Variants in CHCHD3 observed in about 807,000 individuals in gnomAD.
CHCHD3 encodes MICOS complex subunit MIC19.
Under a neutral mutation model 38.2 loss-of-function variants are expected in CHCHD3, and 20 were observed. The observed-to-expected ratio is 0.52, with a 90% CI of 0.37 to 0.76. The LOEUF (loss-of-function observed/expected upper bound fraction) is 0.76, where lower values mean the gene tolerates loss of function less well. CHCHD3 is among the 30% of genes least tolerant of loss of function. The pLI is 0.00. For synonymous variants in CHCHD3, 82 were observed against 100.0 expected (o/e 0.82, Z 1.07); for missense variants, 245 against 279.2 (o/e 0.88, Z 0.87).
chr7:132,923,762 G>T (rs1370779120), intron 4 of CHCHD3, among the ~76,000 whole-genome samples: 1 of 152,148 alleles, frequency 6.6e-6, no homozygotes, highest in Non-Finnish European at 1.5e-5. Flanking sequence ...TTTCCCAGCA[G>T]CCAGAAATAT....
intron 5 of CHCHD3, among the ~76,000 whole-genome samples, chr7:132,858,468 G>T (rs541256909): frequency 6.6e-6 from 1 of 152,120 alleles, no homozygotes; most frequent in Admixed American, 6.5e-5. Context: ...GGAAAGTTCT[G>T]CACAGCCACT....
chr7:132,835,581 T>C (rs556288936), intron 6 of CHCHD3, among the ~76,000 whole-genome samples: 1 of 152,288 alleles, frequency 6.6e-6, no homozygotes, highest in South Asian at 2.1e-4. Context: ...CTGAATGACA[T>C]GGCAGCTGGG....
chr7:132,874,912 T>C (rs1808857514), intron 5 of CHCHD3, among the ~76,000 whole-genome samples: 1 of 152,148 alleles, frequency 6.6e-6, no homozygotes, highest in Admixed American at 6.5e-5. Flanking sequence ...CAGCCTCTTC[T>C]CATTGACCTA....
intron 4 of CHCHD3, among the ~76,000 whole-genome samples, chr7:132,960,907 G>A (rs970709273): frequency 6.6e-6 from 1 of 152,094 alleles, no homozygotes; most frequent in Non-Finnish European, 1.5e-5. Flanking sequence ...CACCAGAAGC[G>A]GAGGTAGCAG....
intron 3 of CHCHD3, among the ~76,000 whole-genome samples, chr7:132,979,244 T>C (rs1469957111): frequency 6.6e-6 from 1 of 152,188 alleles, no homozygotes; most frequent in Non-Finnish European, 1.5e-5. Context: ...TTATATTATC[T>C]CCCAGCTTGA....
At chr7:132,890,078 G>C (rs548392165) in intron 4 of CHCHD3, among the ~76,000 whole-genome samples, 38 of 152,264 alleles carry the variant, frequency 2.5e-4, no homozygotes, top group African/African-American at 8.4e-4. Flanking sequence ...TAACGTAACT[G>C]GGCTGGAAAA....
At chr7:132,836,589 G>C (rs1005421290) in intron 6 of CHCHD3, among the ~76,000 whole-genome samples, 1 of 152,036 alleles carries the variant, frequency 6.6e-6, no homozygotes, top group African/African-American at 2.4e-5. Flanking sequence ...TGCCACTTCA[G>C]CCTCTCCAAT....
At chr7:132,983,450 T>C (rs192403872) in intron 3 of CHCHD3, among the ~76,000 whole-genome samples, 2 of 152,352 alleles carry the variant, frequency 1.3e-5, no homozygotes, top group African/African-American at 4.8e-5. Flanking sequence ...TAAAATTAAC[T>C]ATAGTACATA....
rs112783147 is a variant in CHCHD3, at chr7:132,871,627, C to T, written c.453+14035G>A. Among the ~76,000 whole-genome samples the T allele has an allele frequency of 9.9e-3, 1,501 of 152,280 alleles. 31 individuals carry two copies. The highest frequency in any genetic ancestry group is 0.034 in the African/African-American group (1,411 of 41,560). ...ACTTCTATTTCCGCTGCCCACGTCA[C>T]ATCACAGATCGTCCATGAAGGCAAG... On this transcript the variant is annotated intron_variant, in intron 5 of 7. Coordinates refer to ENST00000262570, the MANE Select transcript of CHCHD3 (RefSeq NM_017812.4).
At chr7:132,904,919 G>T (rs1359903363) in intron 4 of CHCHD3, among the ~76,000 whole-genome samples, 4 of 152,112 alleles carry the variant, frequency 2.6e-5, no homozygotes, top group Non-Finnish European at 4.4e-5. Flanking sequence ...CCATAAGAAA[G>T]GACGAGTTCA....
At chr7:132,907,979 T>A (rs79563447) in intron 4 of CHCHD3, among the ~76,000 whole-genome samples, 1 of 151,900 alleles carries the variant, frequency 6.6e-6, no homozygotes, top group Non-Finnish European at 1.5e-5. Flanking sequence ...ACACAATACA[T>A]ACCATGACTA....
intron 4 of CHCHD3, among the ~76,000 whole-genome samples, chr7:132,912,624 G>A (rs186134960): frequency 2.0e-5 from 3 of 152,002 alleles, no homozygotes; most frequent in Non-Finnish European, 2.9e-5. Flanking sequence ...GCATGATCTC[G>A]GCCCACTGCA....
intron 6 of CHCHD3, among the ~76,000 whole-genome samples, chr7:132,819,296 T>A (rs999523795): frequency 6.6e-6 from 1 of 152,202 alleles, no homozygotes; most frequent in African/African-American, 2.4e-5. Context: ...CTATATTAGA[T>A]CCCTTTCAGA....
intron 2 of CHCHD3, among the ~76,000 whole-genome samples, chr7:133,062,809 C>T (rs184882465): frequency 2.6e-5 from 4 of 152,116 alleles, no homozygotes; most frequent in East Asian, 1.9e-4. Context: ...AGGGAGTGTC[C>T]GGCCCACTTG....
intron 6 of CHCHD3, among the ~76,000 whole-genome samples, chr7:132,822,426 T>G (rs1409339254): frequency 2.0e-5 from 3 of 152,100 alleles, no homozygotes; most frequent in Non-Finnish European, 4.4e-5. Flanking sequence ...TCCTTTTTTT[T>G]AATTTAAAAA....
intron 2 of CHCHD3, among the ~76,000 whole-genome samples, chr7:133,053,690 G>C (rs1403514230): frequency 2.6e-5 from 4 of 152,140 alleles, no homozygotes; most frequent in Non-Finnish European, 1.5e-5. Context: ...ATATGAAAAA[G>C]AAAAATGCAT....
At chr7:132,914,297 A>G (rs752040429) in intron 4 of CHCHD3, among the ~76,000 whole-genome samples, 3 of 152,142 alleles carry the variant, frequency 2.0e-5, no homozygotes, top group Non-Finnish European at 2.9e-5. Flanking sequence ...CTAAGGCTCT[A>G]TAACTTGATT....
At chr7:133,057,239 C>T (rs1814367270) in intron 2 of CHCHD3, among the ~76,000 whole-genome samples, 1 of 152,152 alleles carries the variant, frequency 6.6e-6, no homozygotes, top group African/African-American at 2.4e-5. Context: ...AAAGGTAGTT[C>T]TCAATCAAAA....
Position 132,820,611 on chromosome 7 carries a change from GTTTTTTTTTTTTTTT to G in CHCHD3, c.524+17773_524+17787del, listed in dbSNP as rs748470167. On this transcript the variant is annotated intron_variant, in intron 6 of 7. Coordinates refer to ENST00000262570, the MANE Select transcript of CHCHD3 (RefSeq NM_017812.4). Reference sequence around the variant, plus strand: ...CACAAACATGGGAAAATGTGCTAGTGTTTTTTTTTTTTTTTTTTTTTTTTTATTGCCCCTAACATC... The same window carrying G: ...CACAAACATGGGAAAATGTGCTAGTGTTTTTTTTTTATTGCCCCTAACATC... Among the ~76,000 whole-genome samples the G allele has an allele frequency of 1.5e-4, 14 of 96,188 alleles. No individual in the cohort carries two copies. The South Asian group carries it at 5.6e-3, about 39-fold the overall frequency. The allele number at this position is 96,188 out of a possible 152,430, so 63.1% of individuals were successfully genotyped here.
Sources: gnomAD v4.1 joint callset for allele counts (sites outside exome capture counted in the v4.1 genomes callset) on GRCh38, gnomAD v4.1.1 for gene constraint, MANE v1.5 for transcripts, NCBI Gene and HGNC (gene_info 2026-07-23, HGNC 2026-07-21) for gene names.